SUGCT: variants seen among roughly 807,000 people sequenced by gnomAD.
The protein encoded by SUGCT is succinyl-CoA:glutarate CoA-transferase.
Under a neutral mutation model 55.0 loss-of-function variants are expected in SUGCT, and 41 were observed. The observed-to-expected ratio is 0.74, with a 90% CI of 0.58 to 0.97. The LOEUF (loss-of-function observed/expected upper bound fraction) is 0.97, where lower values mean the gene tolerates loss of function less well. Ranked by LOEUF, SUGCT falls within the 50% of genes least tolerant of loss-of-function variation. The pLI, the probability that SUGCT is intolerant of heterozygous loss-of-function variation, is 0.00. For synonymous variants in SUGCT, 187 were observed against 200.4 expected (o/e 0.93, Z 0.56); for missense variants, 568 against 547.8 (o/e 1.04, Z -0.37).
At chr7:41,027,668 G>A in the SUGCT span, among the ~76,000 whole-genome samples, 1 of 152,150 alleles carries the variant, frequency 6.6e-6, no homozygotes, top group Non-Finnish European at 1.5e-5. Context: ...CATTCCACTT[G>A]GCTCCTGGGG....
At chr7:40,281,737 A>G (rs1322854709) in intron 8 of SUGCT, among the ~76,000 whole-genome samples, 2 of 152,226 alleles carry the variant, frequency 1.3e-5, no homozygotes, top group Non-Finnish European at 2.9e-5. Context: ...TGGCATGAAG[A>G]CAGACATGTA....
At chr7:40,459,817 G>A (rs1789695076) in intron 11 of SUGCT, among the ~76,000 whole-genome samples, 1 of 152,034 alleles carries the variant, frequency 6.6e-6, no homozygotes, top group Non-Finnish European at 1.5e-5. Context: ...TTAATGTCAG[G>A]TTATTTTTTT....
At position 40,832,553 on chromosome 7, in the gene SUGCT, G is replaced by GT. The variant is rs1420713072; in HGVS notation, c.1154-27755dup. ...TTTGGTTGGTTTTTTGTTTTCCAGG[G>GT]TTTTTTTTGTTTTTTTTTTTTCCCG... On this transcript the variant is annotated intron_variant, in intron 13 of 13. Coordinates refer to ENST00000335693, the MANE Select transcript of SUGCT (RefSeq NM_001193313.2). 2.6e-3 allele frequency among the ~76,000 whole-genome samples: 343 copies of GT among 133,554 alleles called. 3 individuals carry two copies. The highest frequency in any genetic ancestry group is 7.8e-3 in the Middle Eastern group (2 of 256). 87.6% of individuals were successfully genotyped at this position (133,554 alleles called of 152,430 possible). A position where few individuals can be genotyped will look rare whatever the true frequency, so the allele number is the denominator to read the frequency against.
chr7:40,648,162 CAACA>C (rs553038298), intron 12 of SUGCT, among the ~76,000 whole-genome samples: 4 of 152,054 alleles, frequency 2.6e-5, no homozygotes, highest in Non-Finnish European at 4.4e-5. Flanking sequence ...CTCGTCCTAC[CAACA>C]AAGTCAATGA....
chr7:40,528,491 G>A (rs537372260), intron 12 of SUGCT, among the ~76,000 whole-genome samples: 1 of 152,230 alleles, frequency 6.6e-6, no homozygotes, highest in East Asian at 1.9e-4. Context: ...ATTAAGAATG[G>A]AAAATTCTGT....
chr7:40,684,008 T>C, intron 12 of SUGCT: 1 of 1,608,782 alleles, frequency 6.2e-7, no homozygotes, highest in Non-Finnish European at 8.5e-7. Context: ...TTCAAATCCT[T>C]GTGGTTGTAT....
chr7:40,165,276 G>A (rs1416865745), intron 1 of SUGCT, among the ~76,000 whole-genome samples: 1 of 151,972 alleles, frequency 6.6e-6, no homozygotes, highest in Non-Finnish European at 1.5e-5. Flanking sequence ...GGCTAGTATG[G>A]GTGGGAAGGG....
chr7:40,774,529 AT>A (rs552965383), intron 13 of SUGCT, among the ~76,000 whole-genome samples: 98 of 152,204 alleles, frequency 6.4e-4, no homozygotes, highest in African/African-American at 2.3e-3. Context: ...GATTGTGTTA[AT>A]TTTTGCTACA....
chr7:40,785,349 C>A (rs1789958144), intron 13 of SUGCT: 1 of 152,140 alleles, frequency 6.6e-6, no homozygotes, highest in South Asian at 2.1e-4. Context: ...TCTTCAGTAA[C>A]CCAATCCTTA....
At chr7:40,770,137 A>AAC (rs1277425230) in intron 13 of SUGCT, among the ~76,000 whole-genome samples, 1 of 152,128 alleles carries the variant, frequency 6.6e-6, no homozygotes, top group African/African-American at 2.4e-5. Context: ...GTTTCTTGAA[A>AAC]ACACCATGCT....
intron 12 of SUGCT, among the ~76,000 whole-genome samples, chr7:40,623,429 T>G (rs1435671719): frequency 6.6e-6 from 1 of 152,198 alleles, no homozygotes; most frequent in Non-Finnish European, 1.5e-5. Context: ...CTACTGTAAA[T>G]AGGAGAGCTG....
At chr7:41,020,734 T>G in the SUGCT span, among the ~76,000 whole-genome samples, 5 of 152,210 alleles carry the variant, frequency 3.3e-5, no homozygotes, top group South Asian at 1.0e-3. Context: ...AGGGCTGGAC[T>G]ATTGTAGACC....
intron 1 of SUGCT, among the ~76,000 whole-genome samples, chr7:40,175,988 G>C (rs1409713868): frequency 6.6e-6 from 1 of 152,002 alleles, no homozygotes; most frequent in African/African-American, 2.4e-5. Flanking sequence ...TGCCAGCACT[G>C]TGGGAGGCTG....
chr7:40,603,288 G>A (rs917236730), intron 12 of SUGCT, among the ~76,000 whole-genome samples: 1 of 152,192 alleles, frequency 6.6e-6, no homozygotes, highest in African/African-American at 2.4e-5. Flanking sequence ...TATGACAAAT[G>A]CATAATGATA....
At chr7:40,542,267 C>T (rs2151621181) in intron 12 of SUGCT, among the ~76,000 whole-genome samples, 1 of 152,322 alleles carries the variant, frequency 6.6e-6, no homozygotes, top group East Asian at 1.9e-4. Flanking sequence ...TCATCATCAT[C>T]CACCTCACAG....
At position 40,859,392 on chromosome 7, in the gene SUGCT, AAAACTTTAGGT is replaced by A. The variant is rs1170835367; in HGVS notation, c.1154-923_1154-913del. Among the ~76,000 whole-genome samples the A allele has an allele frequency of 7.9e-5, 12 of 152,334 alleles. No homozygotes were observed. In the South Asian group the frequency reaches 8.3e-4, roughly 11 times the overall value. On this transcript the variant is annotated intron_variant, in intron 13 of 13. Coordinates refer to ENST00000335693, the MANE Select transcript of SUGCT (RefSeq NM_001193313.2). ...TATGATTAGCTATGTGGCCTTGAGC[AAAACTTTAGGT>A]TTTAGGGGTTTTCATGTCCTCATGG...
At chr7:40,336,143 G>T (rs1446815684) in intron 9 of SUGCT, among the ~76,000 whole-genome samples, 1 of 152,124 alleles carries the variant, frequency 6.6e-6, no homozygotes, top group Non-Finnish European at 1.5e-5. Flanking sequence ...TGCTGGATTC[G>T]GTTTGCCAGT....
At chr7:40,699,991 T>A (rs1333880496) in intron 12 of SUGCT, among the ~76,000 whole-genome samples, 1 of 134,998 alleles carries the variant, frequency 7.4e-6, no homozygotes, top group Non-Finnish European at 1.6e-5. Context: ...TTCCTGAAAC[T>A]TTTTTCCCCT....
intron 9 of SUGCT, among the ~76,000 whole-genome samples, chr7:40,384,085 T>C (rs2151288130): frequency 6.6e-6 from 1 of 152,188 alleles, no homozygotes; most frequent in Admixed American, 6.5e-5. Flanking sequence ...GAGGGAGAGA[T>C]AGTGGGAAAT....
Sources: gnomAD v4.1 joint callset for allele counts (sites outside exome capture counted in the v4.1 genomes callset) on GRCh38, gnomAD v4.1.1 for gene constraint, MANE v1.5 for transcripts, NCBI Gene and HGNC (gene_info 2026-07-23, HGNC 2026-07-21) for gene names.